MYOM2: variants seen among roughly 807,000 people sequenced by gnomAD.
MYOM2 encodes the protein myomesin-2.
In MYOM2, 254 loss-of-function variants were observed where a neutral mutation model predicts 187.6. The observed-to-expected ratio is 1.35, with a 90% confidence interval of 1.22 to 1.50. MYOM2 has a LOEUF of 1.50. Among genes scored for constraint, MYOM2 ranks in the 40% most tolerant of loss-of-function variants. The probability of loss-of-function intolerance (pLI) is 0.00; values close to 1 mark genes in which losing one functional copy is unlikely to be tolerated. For synonymous variants in MYOM2, 981 were observed against 753.8 expected (o/e 1.30, Z -4.94); for missense variants, 2,796 against 1,924.0 (o/e 1.45, Z -8.48).
intron 19 of MYOM2, 80 bp from the exon 20 acceptor site, chr8:2,100,796 G>A: frequency 7.0e-7 from 1 of 1,421,320 alleles, no homozygotes; most frequent in East Asian, 2.4e-5. Context: ...GAGGAGCAGT[G>A]GGTCCCCGGG....
At chr8:2,085,044 A>T (rs902818100) in intron 13 of MYOM2, 4 of 526,672 alleles carry the variant, frequency 7.6e-6, no homozygotes, top group East Asian at 6.3e-5. Flanking sequence ...TCCTATGAAC[A>T]GGCTTATATC....
chr8:2,144,595 C>T (rs542585674), intron 36 of MYOM2, 69 bp from the exon 37 acceptor site: 133 of 1,496,728 alleles, frequency 8.9e-5, no homozygotes, highest in Admixed American at 2.2e-4. Flanking sequence ...TGGAGCCCAC[C>T]GTCCGAGGGG....
chr8:2,046,297 T>G (rs913905338), intron 1 of MYOM2, among the ~76,000 whole-genome samples: 1 of 152,224 alleles, frequency 6.6e-6, no homozygotes, highest in Non-Finnish European at 1.5e-5. Flanking sequence ...GATGGGGATA[T>G]CAGACACGTG....
In MYOM2 at chr8:2,145,008, A is replaced by C. The variant is rs1798414592; in HGVS notation, c.*27A>C. 6.2e-7 allele frequency: 1 copy of C among 1,608,288 alleles called. No homozygotes were observed. Among genetic ancestry groups the C allele is most frequent in the Non-Finnish European group, 8.5e-7 (1 of 1,178,110 alleles). On this transcript the variant is annotated 3_prime_UTR_variant, in exon 37 of 37. Transcript: ENST00000262113. Reference sequence around the variant, plus strand: ...GGCGTTTTCCTAGCCTGGAGATGGGAAAATATGCTTGGCAGAGACAGGAAT... The same window carrying C: ...GGCGTTTTCCTAGCCTGGAGATGGGCAAATATGCTTGGCAGAGACAGGAAT...
intron 32 of MYOM2, among the ~76,000 whole-genome samples, chr8:2,137,194 T>C (rs569355638): frequency 1.3e-5 from 2 of 151,766 alleles, no homozygotes; most frequent in South Asian, 4.2e-4. Flanking sequence ...TTAATGGTGA[T>C]CAAGAAAACA....
At chr8:2,061,986 G>A (rs1055147665) in intron 6 of MYOM2, among the ~76,000 whole-genome samples, 6 of 152,178 alleles carry the variant, frequency 3.9e-5, no homozygotes, top group Non-Finnish European at 7.3e-5. Context: ...GAGGGGAGGG[G>A]GCTGTGGCCC....
chr8:2,143,415 A>G lies in MYOM2; in HGVS notation c.4039A>G (p.Ile1347Val). ...TCCCGTTGCAGATCGTGGCAGGTTG[A>G]TCGGCGGCTTGCCTGACGTGGTGAC... ...AFAEKNRGRL[I>V]GGLPDVVTIM... The change falls in exon 36 of 37, where the codon ATC becomes GTC. Residue 1347 changes from isoleucine to valine, a missense_variant. Physicochemically the swap from Ile to Val is conservative, Grantham distance 29. Transcript: ENST00000262113. 6.2e-7 allele frequency: 1 copy of G among 1,614,116 alleles called. No individual in the cohort carries two copies. The highest frequency in any genetic ancestry group is 8.5e-7 in the Non-Finnish European group (1 of 1,180,052).
chr8:2,057,715 C>G lies in MYOM2; in HGVS notation c.495C>G (p.Val165=), dbSNP rs1818717957. 1 of 1,614,150 alleles carries G rather than the reference C, an allele frequency of 6.2e-7. No homozygotes were observed. Among genetic ancestry groups the G allele is most frequent in the Non-Finnish European group, 8.5e-7 (1 of 1,180,034 alleles). The change falls in exon 5 of 37, where the codon GTC becomes GTG. Residue 165 remains valine (V), a synonymous_variant. Coordinates refer to ENST00000262113, the MANE Select transcript of MYOM2 (RefSeq NM_003970.4). The stretch of plus-strand genomic sequence containing the variant: ...TGGTGCGGCTGCGATCCCACACCGT[C>G]TGGGAGAGGATGTCTGTGAAACTCT... ...EILVRLRSHT[V]WERMSVKLCF...
chr8:2,100,512 C>G (rs565149118), intron 19 of MYOM2: 1 of 250,588 alleles, frequency 4.0e-6, no homozygotes, highest in Non-Finnish European at 7.9e-6. Flanking sequence ...AGGCAGGCTC[C>G]CTGAGTGACT....
In MYOM2 at chr8:2,059,148, T is replaced by C. The variant is rs759139389; in HGVS notation, c.561-5T>C. ...TTAAACTAAAAACATGCCTCCCTCA[T>C]TTAGGTACAAAGATGGCAGTCTGAT... On this transcript the variant is annotated splice_polypyrimidine_tract_variant and splice_region_variant and intron_variant, in intron 5 of 36. Transcript: ENST00000262113. 3.7e-6 allele frequency: 6 copies of C among 1,613,636 alleles called. No individual in the cohort carries two copies. The East Asian group carries it at 1.1e-4, about 30-fold the overall frequency.
At chr8:2,097,167 TC>T in intron 18 of MYOM2, 1 of 924,310 alleles carries the variant, frequency 1.1e-6, no homozygotes, top group Non-Finnish European at 1.3e-6. Context: ...GAAGATCTAA[TC>T]TTTGTCTACT....
intron 32 of MYOM2, among the ~76,000 whole-genome samples, chr8:2,138,309 G>T (rs3779821): frequency 1.3e-5 from 2 of 152,062 alleles, no homozygotes; most frequent in Non-Finnish European, 2.9e-5. Flanking sequence ...CATCGCTTCT[G>T]CTTCCCTCTC....
intron 13 of MYOM2, chr8:2,081,844 CTG>C (rs1819641240): frequency 6.6e-6 from 1 of 152,282 alleles, no homozygotes; most frequent in African/African-American, 2.4e-5. Flanking sequence ...CATCCAGACA[CTG>C]TAGCTCTCAT....
At chr8:2,120,279 C>T (rs1244080158) in intron 28 of MYOM2, among the ~76,000 whole-genome samples, 1 of 151,938 alleles carries the variant, frequency 6.6e-6, no homozygotes, top group African/African-American at 2.4e-5. Context: ...GTTGGTCAAC[C>T]AGCTGTCTAA....
intron 25 of MYOM2, among the ~76,000 whole-genome samples, chr8:2,110,052 G>A (rs1237838730): frequency 2.0e-5 from 3 of 152,202 alleles, no homozygotes; most frequent in African/African-American, 4.8e-5. Flanking sequence ...GCCAGGCATG[G>A]CGGCTCTCAC....
intron 31 of MYOM2, among the ~76,000 whole-genome samples, chr8:2,126,784 G>C (rs1797658014): frequency 7.8e-6 from 1 of 127,910 alleles, no homozygotes; most frequent in East Asian, 2.4e-4. Context: ...AGAGGCTGAT[G>C]GAGGCTGGGG....
At chr8:2,059,581 C>G (rs1818784267) in intron 6 of MYOM2, among the ~76,000 whole-genome samples, 1 of 152,116 alleles carries the variant, frequency 6.6e-6, no homozygotes, top group Non-Finnish European at 1.5e-5. Context: ...TAAGTTCAGA[C>G]TCTTCAAAGA....
chr8:2,063,251 A>G (rs775654533), intron 6 of MYOM2, among the ~76,000 whole-genome samples: 66 of 152,190 alleles, frequency 4.3e-4, no homozygotes, highest in Admixed American at 1.9e-3. Context: ...ATCTGTGGCC[A>G]TTTTCAGTGG....
intron 9 of MYOM2, among the ~76,000 whole-genome samples, 171 bp from the exon 10 acceptor site, chr8:2,073,168 G>C (rs1448534677): frequency 6.6e-6 from 1 of 152,244 alleles, no homozygotes; most frequent in African/African-American, 2.4e-5. Flanking sequence ...GTTCACGCGT[G>C]TGCTTCCACG....
Sources: allele counts gnomAD v4.1 joint callset (sites outside exome capture counted in the v4.1 genomes callset), GRCh38; gene constraint gnomAD v4.1.1; transcripts MANE v1.5; gene names NCBI Gene and HGNC (gene_info 2026-07-23, HGNC 2026-07-21).